RABEP1: variants seen among roughly 807,000 people sequenced by gnomAD.
RABEP1 encodes rab GTPase-binding effector protein 1.
In RABEP1, 51 loss-of-function variants were observed where a neutral mutation model predicts 123.4. The ratio of observed to expected loss-of-function variants is 0.41; its 90% CI spans 0.33 to 0.52. The LOEUF (loss-of-function observed/expected upper bound fraction) is 0.52. RABEP1 is among the 20% of genes least tolerant of loss of function. The pLI is 0.16. For synonymous variants in RABEP1, 347 were observed against 355.2 expected, an observed-to-expected ratio of 0.98 and a Z score of 0.26; for missense variants, 888 against 996.3, an observed-to-expected ratio of 0.89 and a Z score of 1.46.
chr17:5,358,579 G>A (rs931235547), intron 8 of RABEP1, among the ~76,000 whole-genome samples: 2 of 151,926 alleles, frequency 1.3e-5, no homozygotes, highest in African/African-American at 4.8e-5. Flanking sequence ...GCTGAGGCAT[G>A]AGAATCCCTC....
chr17:5,304,193 ATTC>A (rs1193992114), intron 1 of RABEP1, among the ~76,000 whole-genome samples: 4 of 151,992 alleles, frequency 2.6e-5, no homozygotes, highest in African/African-American at 7.3e-5. Context: ...TATTTATTGT[ATTC>A]TTTTTTCGTT....
At chr17:5,373,556 C>T in intron 13 of RABEP1, 102 bp downstream of exon 13, 2 of 1,243,614 alleles carry the variant, frequency 1.6e-6, no homozygotes, top group East Asian at 2.5e-5. Context: ...AATTCACGTG[C>T]CAATTCAACC....
In RABEP1 at chr17:5,369,038, G is replaced by A. The variant is rs374688957; in HGVS notation, c.1884+570G>A. 1.4e-4 allele frequency among the ~76,000 whole-genome samples: 22 copies of A among 152,280 alleles called. No homozygotes were observed. The East Asian group carries it at 4.2e-3, about 29-fold the overall frequency. On this transcript the variant is annotated intron_variant, in intron 12 of 17. Coordinates refer to ENST00000537505, the MANE Select transcript of RABEP1 (RefSeq NM_004703.6). ...GCAGGAGAAGCGCTTGAACCTGGGA[G>A]GCTGAAGTTGCAGTGAGCTGAGATC...
At chr17:5,374,278 G>A (rs1910793799) in intron 13 of RABEP1, among the ~76,000 whole-genome samples, 1 of 151,372 alleles carries the variant, frequency 6.6e-6, no homozygotes, top group Non-Finnish European at 1.5e-5. Flanking sequence ...ATGTTTGCCA[G>A]GCTGGTCTTG....
intron 2 of RABEP1, among the ~76,000 whole-genome samples, chr17:5,310,880 G>A (rs2075232600): frequency 6.6e-6 from 1 of 150,668 alleles, no homozygotes; most frequent in Non-Finnish European, 1.5e-5. Flanking sequence ...TGTGATCTTG[G>A]CTCACTGCAA....
At chr17:5,311,463 G>A (rs948345652) in intron 2 of RABEP1, among the ~76,000 whole-genome samples, 2 of 152,000 alleles carry the variant, frequency 1.3e-5, no homozygotes, top group South Asian at 2.1e-4. Flanking sequence ...TTGGGAGGCC[G>A]AGGCAGGCGG....
At chr17:5,337,875 A>T in intron 4 of RABEP1, 144 bp from the exon 5 acceptor site, 2 of 736,476 alleles carry the variant, frequency 2.7e-6, no homozygotes, top group Non-Finnish European at 3.9e-6. Context: ...TTTGAAAGTT[A>T]GACATTAGTT....
chr17:5,381,335 CTAAG>C (rs1911433367), intron 16 of RABEP1, 50 bp from the exon 17 acceptor site: 7 of 1,583,958 alleles, frequency 4.4e-6, no homozygotes, highest in Non-Finnish European at 6.0e-6. Context: ...ACTGGATTTC[CTAAG>C]TAATTCGGCC....
At chr17:5,380,491 A>G in intron 16 of RABEP1, 29 bp downstream of exon 16, 2 of 1,453,980 alleles carry the variant, frequency 1.4e-6, no homozygotes, top group East Asian at 4.9e-5. Flanking sequence ...ATTTAATTTT[A>G]AAAAGCAGGG....
chr17:5,289,697 A>G (rs2075014660), intron 1 of RABEP1, among the ~76,000 whole-genome samples: 1 of 152,196 alleles, frequency 6.6e-6, no homozygotes, highest in Admixed American at 6.5e-5. Flanking sequence ...TCTCGCTTCC[A>G]GGGCTGAGGC....
chr17:5,290,201 C>T (rs991701954), intron 1 of RABEP1, among the ~76,000 whole-genome samples: 3 of 152,184 alleles, frequency 2.0e-5, no homozygotes, highest in Non-Finnish European at 4.4e-5. Flanking sequence ...CATTCTCCTG[C>T]CTCAGCCTCC....
At chr17:5,360,358 C>CG (rs1909397918) in intron 8 of RABEP1, among the ~76,000 whole-genome samples, 1 of 152,148 alleles carries the variant, frequency 6.6e-6, no homozygotes, top group Admixed American at 6.5e-5. Flanking sequence ...GTCAGGAGAG[C>CG]GAGACCATCC....
intron 1 of RABEP1, among the ~76,000 whole-genome samples, chr17:5,300,760 A>G (rs1330734577): frequency 6.6e-6 from 1 of 152,166 alleles, no homozygotes; most frequent in Non-Finnish European, 1.5e-5. Context: ...GTTTTGCCCA[A>G]GCTTCTTGGT....
Position 5,338,050 on chromosome 17 carries a change from T to C in RABEP1, c.560T>C (p.Val187Ala). The change falls in exon 5 of 18, where the codon GTT becomes GCT. Residue 187 changes from valine (V) to alanine (A), a missense_variant. Physicochemically the swap from Val to Ala is moderately conservative, Grantham distance 64 (BLOSUM62 0). Transcript: ENST00000537505. ...GAGGATGCTGAGAAACTTCGGTCCG[T>C]TGTGATGCCAATGGAAAAGGAAATT... ...AQEDAEKLRSVVMPMEKEIAA... is the reference protein window; with the variant it reads ...AQEDAEKLRSAVMPMEKEIAA... 1.2e-6 allele frequency: 2 copies of C among 1,613,562 alleles called. No homozygotes were observed. The highest frequency in any genetic ancestry group is 1.7e-6 in the Non-Finnish European group (2 of 1,179,670).
Position 5,361,560 on chromosome 17 carries a change from A to G in RABEP1, c.1448A>G (p.Gln483Arg), listed in dbSNP as rs1909538849. ...ERAIKAMTPEQEETASLLSSV... is the reference protein window; with the variant it reads ...ERAIKAMTPEREETASLLSSV... ...GCAATCAAGGCGATGACACCAGAAC[A>G]AGAAGAGACAGCGTCCCTCCTCTCC... The change falls in exon 9 of 18, where the codon CAA becomes CGA. Residue 483 changes from glutamine (Q) to arginine (R), a missense_variant. Transcript: ENST00000537505. 1 of 1,614,198 alleles carries G rather than the reference A, an allele frequency of 6.2e-7. No homozygotes were observed. Among genetic ancestry groups the G allele is most frequent in the Non-Finnish European group, 8.5e-7 (1 of 1,180,032 alleles).
chr17:5,358,672 GAAAA>G (rs10638024), intron 8 of RABEP1, among the ~76,000 whole-genome samples: 1 of 142,114 alleles, frequency 7.0e-6, no homozygotes, highest in East Asian at 2.0e-4. Context: ...CTGTCTCCAG[GAAAA>G]AAAAAAAAAG....
chr17:5,322,927 T>C (rs1213309607), intron 2 of RABEP1, among the ~76,000 whole-genome samples: 6 of 152,158 alleles, frequency 3.9e-5, no homozygotes, highest in Admixed American at 3.9e-4. Flanking sequence ...ATTCAAAAAA[T>C]TAGCCGGGCA....
chr17:5,380,038 G>C (rs897021411), intron 15 of RABEP1, among the ~76,000 whole-genome samples: 1 of 152,206 alleles, frequency 6.6e-6, no homozygotes, highest in Non-Finnish European at 1.5e-5. Flanking sequence ...CTGTAAAAAT[G>C]TAGGAGTCAA....
At chr17:5,374,634 TTTTTTATTTTA>T (rs1473667566) in intron 13 of RABEP1, among the ~76,000 whole-genome samples, 2 of 151,580 alleles carry the variant, frequency 1.3e-5, no homozygotes, top group African/African-American at 2.4e-5. Context: ...TTTTTTATTA[TTTTTTATTTTA>T]TTTTTATTTT....
Sources: gnomAD v4.1 joint callset for allele counts (sites outside exome capture counted in the v4.1 genomes callset) on GRCh38, gnomAD v4.1.1 for gene constraint, MANE v1.5 for transcripts, NCBI Gene and HGNC (gene_info 2026-07-23, HGNC 2026-07-21) for gene names.